The following FADS1 variants were observed in gnomAD, a reference collection of about 807,000 sequenced individuals.
FADS1 encodes fatty acid desaturase 1.
Under a neutral mutation model 61.6 loss-of-function variants are expected in FADS1, and 17 were observed. The observed-to-expected ratio is 0.28, with a 90% CI of 0.19 to 0.41. FADS1 has a LOEUF of 0.41. FADS1 is among the 10% of genes least tolerant of loss of function. The probability of loss-of-function intolerance (pLI) is 1.00; values close to 1 mark genes in which losing one functional copy is unlikely to be tolerated. For synonymous variants in FADS1, 238 were observed against 258.7 expected (o/e 0.92, Z 0.77); for missense variants, 387 against 650.9 (o/e 0.59, Z 4.41).
chr11:61,811,354 G>A (rs1177347012), intron 3 of FADS1, among the ~76,000 whole-genome samples: 2 of 152,126 alleles, frequency 1.3e-5, no homozygotes, highest in African/African-American at 4.8e-5. Flanking sequence ...CCAGGCTGGA[G>A]TGCAATGGTG....
chr11:61,810,967 C>T lies in FADS1; in HGVS notation c.786+7G>A, dbSNP rs2066927220. ...AGTTTTAGAGAGCTCCTCCCCATCC[C>T]ACTGACCTTCAGGTGGCCAATCACA... On this transcript the variant is annotated splice_region_variant and intron_variant, in intron 4 of 11. Transcript: ENST00000350997. 2 of 1,613,972 alleles carry T rather than the reference C, an allele frequency of 1.2e-6. No homozygotes were observed. The highest frequency in any genetic ancestry group is 3.3e-5 in the Admixed American group (2 of 60,008).
At chr11:61,807,089 C>T (rs552981401) in intron 5 of FADS1, among the ~76,000 whole-genome samples, 12 of 152,276 alleles carry the variant, frequency 7.9e-5, no homozygotes, top group African/African-American at 2.2e-4. Context: ...ATTTTTTAGA[C>T]GGAGTCTCGC....
intron 6 of FADS1, 175 bp downstream of exon 6, chr11:61,806,489 C>G (rs958460407): frequency 3.2e-6 from 2 of 618,574 alleles, no homozygotes; most frequent in Non-Finnish European, 5.8e-6. Context: ...AACTTCACTT[C>G]GCTCAGCTGA....
At position 61,813,895 on chromosome 11, in the gene FADS1, G is replaced by GC. The variant is rs1218457795; in HGVS notation, c.376-543_376-542insG. ...CAGGAGAATGGCGTGAACCCCGGGG[G>GC]AGGGCGGAGCCTGCAGTGAGCCGAG... On this transcript the variant is annotated intron_variant, in intron 1 of 11. Transcript: ENST00000350997. Among the ~76,000 whole-genome samples the GC allele has an allele frequency of 1.8e-4, 28 of 151,448 alleles. No homozygotes were observed. In the South Asian group the frequency reaches 2.9e-3, roughly 16 times the overall value.
Position 61,802,204 on chromosome 11 carries a change from C to T in FADS1, c.*207G>A, listed in dbSNP as rs1761987972. ...CCCCTGCCCCAACAGCTCCTTCCCT[C>T]CTAGGGACTTCTGTGTCCACCCCCC... On this transcript the variant is annotated 3_prime_UTR_variant, in exon 12 of 12. Coordinates refer to ENST00000350997, the MANE Select transcript of FADS1 (RefSeq NM_013402.7). The surrounding 1 kb of genome is among the most constrained non-coding windows in gnomAD (Gnocchi z 4.2). 1.7e-6 allele frequency: 1 copy of T among 594,236 alleles called. No individual in the cohort carries two copies. The highest frequency in any genetic ancestry group is 2.8e-5 in the Admixed American group (1 of 35,126). 36.8% of individuals were successfully genotyped at this position (594,236 alleles called of 1,614,324 possible). A position where few individuals can be genotyped will look rare whatever the true frequency, so the allele number is the denominator to read the frequency against.
chr11:61,806,009 C>G (rs997654532), intron 6 of FADS1: 1 of 152,794 alleles, frequency 6.5e-6, no homozygotes, highest in East Asian at 1.9e-4. Context: ...GGACTGGGCT[C>G]TACCAGGTTA....
At chr11:61,804,787 G>A in intron 6 of FADS1, 26 bp from the exon 7 acceptor site, 1 of 1,602,440 alleles carries the variant, frequency 6.2e-7, no homozygotes. Context: ...AGACAAAGAG[G>A]AGGCATGAGC....
Position 61,802,326 on chromosome 11 carries a change from A to G in FADS1, c.*85T>C, listed in dbSNP as rs969048733. On this transcript the variant is annotated 3_prime_UTR_variant, in exon 12 of 12. Coordinates refer to ENST00000350997, the MANE Select transcript of FADS1 (RefSeq NM_013402.7). This position sits in a 1 kb window ranked among gnomAD's most constrained non-coding sequence, Gnocchi z 4.2. ...CCCAACCCCCTCTGAGTATTAAACT[A>G]TAGTGGCATTGTCCCTCAAGCTCCC... 5.9e-6 allele frequency: 7 copies of G among 1,179,620 alleles called. No individual in the cohort carries two copies. The Admixed American group carries it at 7.9e-5, about 13-fold the overall frequency. The allele number at this position is 1,179,620 out of a possible 1,614,324, so 73.1% of individuals were successfully genotyped here.
In FADS1 at chr11:61,800,154, G is replaced by A; in HGVS notation, c.*2257C>T. 1 of 152,804 alleles carries A rather than the reference G, an allele frequency of 6.5e-6. No individual in the cohort carries two copies. Among genetic ancestry groups the A allele is most frequent in the Non-Finnish European group, 1.5e-5 (1 of 68,056 alleles). The allele number at this position is 152,804 out of a possible 1,614,324, so 9.5% of individuals were successfully genotyped here. A position where few individuals can be genotyped will look rare whatever the true frequency, so the allele number is the denominator to read the frequency against. The stretch of plus-strand genomic sequence containing the variant: ...GGATCAGCACCTATTTTGGAGTGAG[G>A]AAGCCAATGGAGGTACAACTCCTCA... On this transcript the variant is annotated 3_prime_UTR_variant, in exon 12 of 12. Transcript: ENST00000350997.
chr11:61,809,288 T>C (rs755277557), intron 5 of FADS1, among the ~76,000 whole-genome samples: 3 of 152,266 alleles, frequency 2.0e-5, no homozygotes, highest in Non-Finnish European at 2.9e-5. Flanking sequence ...TTACTGTTTT[T>C]AATCTGTAAG....
Position 61,802,854 on chromosome 11 carries a change from A to G in FADS1, c.1401T>C (p.His467=). The change falls in exon 11 of 12, where the codon CAT becomes CAC. Residue 467 remains histidine (H), a synonymous_variant. Coordinates refer to ENST00000350997, the MANE Select transcript of FADS1 (RefSeq NM_013402.7). This position sits in a 1 kb window ranked among gnomAD's most constrained non-coding sequence, Gnocchi z 4.2. The part of the protein sequence containing the change: ...APLVQSLCAK[H]GIEYQSKPLL... ...GGGGCTTGGACTGGTACTCTATGCCATGCTTGGCACACAAGGACTGCACCA... is the reference window on the plus strand; with the variant it reads ...GGGGCTTGGACTGGTACTCTATGCCGTGCTTGGCACACAAGGACTGCACCA... 1.2e-6 allele frequency: 2 copies of G among 1,614,186 alleles called. No individual in the cohort carries two copies. The highest frequency in any genetic ancestry group is 2.2e-5 in the East Asian group (1 of 44,886).
At chr11:61,813,857 C>G (rs571151286) in intron 1 of FADS1, among the ~76,000 whole-genome samples, 8 of 145,526 alleles carry the variant, frequency 5.5e-5, no homozygotes, top group Non-Finnish European at 1.0e-4. Context: ...CCCAGCTACT[C>G]GGGAGGCTGA....
intron 2 of FADS1, 106 bp downstream of exon 2, chr11:61,813,137 C>A: frequency 1.3e-6 from 1 of 783,348 alleles, no homozygotes; most frequent in South Asian, 1.4e-5. Context: ...AGAGCTACTA[C>A]TGACTGTGAT....
chr11:61,804,438 G>T (rs1261836609), intron 7 of FADS1: 2 of 454,552 alleles, frequency 4.4e-6, no homozygotes, highest in Middle Eastern at 1.1e-3. Flanking sequence ...TCAGCCCCCT[G>T]GCATTATGCC....
At chr11:61,808,856 C>T (rs964332980) in intron 5 of FADS1, among the ~76,000 whole-genome samples, 1 of 152,200 alleles carries the variant, frequency 6.6e-6, no homozygotes, top group South Asian at 2.1e-4. Flanking sequence ...GGACTCGCTC[C>T]AGCCGCCTCA....
chr11:61,813,512 A>C, intron 1 of FADS1, 159 bp from the exon 2 acceptor site: 4 of 604,768 alleles, frequency 6.6e-6, no homozygotes, highest in Non-Finnish European at 1.2e-5. Context: ...GCAGACTTGG[A>C]GAACTTTTCT....
rs1565318194 is a variant in FADS1, at chr11:61,803,802, GAAC to G, written c.1054-38_1054-36del. The G allele has an allele frequency of 2.7e-6, 4 of 1,475,014 alleles. No individual in the cohort carries two copies. Among genetic ancestry groups the G allele is most frequent in the Admixed American group, 3.3e-5 (2 of 59,748 alleles). 91.4% of individuals were successfully genotyped at this position (1,475,014 alleles called of 1,614,324 possible). ...GAAAAGCAGCGAGCATAACAGTCAC[GAAC>G]AACTCTTCCTCTTCCTCTCAGCAGC... is the stretch of plus-strand genomic sequence containing the variant. On this transcript the variant is annotated intron_variant, in intron 7 of 11. Transcript: ENST00000350997. The surrounding 1 kb of genome is among the most constrained non-coding windows in gnomAD (Gnocchi z 4.3).
At chr11:61,810,694 C>A (rs1248867043) in intron 5 of FADS1, 57 bp downstream of exon 5, 32 of 1,602,934 alleles carry the variant, frequency 2.0e-5, no homozygotes, top group Non-Finnish European at 2.7e-5. Context: ...TTCCCCAACT[C>A]CCCTATGTTG....
chr11:61,803,736 C>T lies in FADS1; in HGVS notation c.1085G>A (p.Arg362His). Residue 362 changes from arginine to histidine, a missense_variant, in exon 8 of 12, where the codon CGC becomes CAC. Coordinates refer to ENST00000350997, the MANE Select transcript of FADS1 (RefSeq NM_013402.7). The surrounding 1 kb of genome is among the most constrained non-coding windows in gnomAD (Gnocchi z 4.3). ...DLAWMITFYV[R>H]FFLTYVPLLG... ...TAGTGGCACATAAGTGAGGAAGAAGCGGACGTAGAAGGTAATCATCCAGGC... is the reference window on the plus strand; with the variant it reads ...TAGTGGCACATAAGTGAGGAAGAAGTGGACGTAGAAGGTAATCATCCAGGC... The T allele has an allele frequency of 6.2e-7, 1 of 1,613,918 alleles. No homozygotes were observed. The highest frequency in any genetic ancestry group is 8.5e-7 in the Non-Finnish European group (1 of 1,179,814).
Sources: gnomAD v4.1 joint callset for allele counts (sites outside exome capture counted in the v4.1 genomes callset) on GRCh38, gnomAD v4.1.1 for gene constraint, Gnocchi (gnomAD v3.1) non-coding constraint, MANE v1.5 for transcripts, NCBI Gene and HGNC (gene_info 2026-07-23, HGNC 2026-07-21) for gene names.